Variants in PXDNL observed in about 807,000 individuals in gnomAD.
The protein encoded by PXDNL is probable oxidoreductase PXDNL.
PXDNL carries 145 observed loss-of-function variants against 150.8 expected under a neutral mutation model. That is an observed-to-expected ratio of 0.96 (90% confidence interval 0.84 to 1.10). PXDNL has a LOEUF of 1.10. Among genes scored for constraint, PXDNL ranks in the 50% least tolerant of loss-of-function variants. The pLI is 0.00. For synonymous variants in PXDNL, 757 were observed against 725.7 expected (o/e 1.04, Z -0.69); for missense variants, 2,087 against 1,873.9 (o/e 1.11, Z -2.10).
chr8:51,473,360 G>A (rs996747843), intron 7 of PXDNL, among the ~76,000 whole-genome samples: 1 of 150,090 alleles, frequency 6.7e-6, no homozygotes, highest in South Asian at 2.1e-4. Flanking sequence ...AATAAACGAT[G>A]TTTTGATGGA....
chr8:51,429,534 C>A (rs1056221579), intron 12 of PXDNL, among the ~76,000 whole-genome samples: 16 of 152,032 alleles, frequency 1.1e-4, no homozygotes, highest in Non-Finnish European at 1.8e-4. Context: ...TGAGCCACTG[C>A]ACTCCAGCCT....
chr8:51,779,041 G>A (rs2037384561), intron 1 of PXDNL, among the ~76,000 whole-genome samples: 1 of 152,246 alleles, frequency 6.6e-6, no homozygotes, highest in African/African-American at 2.4e-5. Flanking sequence ...ATAGGATTAT[G>A]AAACACTATA....
chr8:51,738,977 C>T (rs1286216938), intron 1 of PXDNL, among the ~76,000 whole-genome samples: 2 of 151,946 alleles, frequency 1.3e-5, no homozygotes, highest in African/African-American at 4.8e-5. Flanking sequence ...TGAACATAGG[C>T]AGAAGAGTTA....
chr8:51,741,266 G>A (rs192593009), intron 1 of PXDNL, among the ~76,000 whole-genome samples: 55 of 152,222 alleles, frequency 3.6e-4, no homozygotes, highest in African/African-American at 9.9e-4. Flanking sequence ...GTTTATTTGC[G>A]TAGAGGTGTT....
At chr8:51,554,709 G>T (rs1042065384) in intron 4 of PXDNL, among the ~76,000 whole-genome samples, 2 of 152,162 alleles carry the variant, frequency 1.3e-5, no homozygotes, top group Non-Finnish European at 2.9e-5. Flanking sequence ...TGCCACGTTA[G>T]AAAATAATGG....
intron 17 of PXDNL, among the ~76,000 whole-genome samples, chr8:51,400,909 G>A (rs1193502181): frequency 3.3e-5 from 5 of 152,132 alleles, no homozygotes; most frequent in Non-Finnish European, 5.9e-5. Flanking sequence ...AATTTGTCTT[G>A]TCAAAGGTGT....
At chr8:51,494,075 G>A (rs371208835) in intron 5 of PXDNL, among the ~76,000 whole-genome samples, 26 of 144,672 alleles carry the variant, frequency 1.8e-4, no homozygotes, top group African/African-American at 2.6e-4. Flanking sequence ...GACTAACAGC[G>A]GATCTCTCAG....
chr8:51,462,844 A>G (rs1164112043), intron 8 of PXDNL, among the ~76,000 whole-genome samples: 1 of 152,166 alleles, frequency 6.6e-6, no homozygotes, highest in Non-Finnish European at 1.5e-5. Flanking sequence ...ACACACAGTC[A>G]TCAGATTCTG....
At chr8:51,552,171 C>A (rs1211001798) in intron 4 of PXDNL, among the ~76,000 whole-genome samples, 2 of 151,858 alleles carry the variant, frequency 1.3e-5, no homozygotes, top group East Asian at 1.9e-4. Flanking sequence ...AATTAAAAAA[C>A]CAAAAAATAT....
chr8:51,447,284 T>C, intron 11 of PXDNL, 122 bp from the exon 12 acceptor site: 2 of 922,348 alleles, frequency 2.2e-6, no homozygotes. Flanking sequence ...TAGGGTGTAC[T>C]GTGTGCGTTG....
intron 5 of PXDNL, among the ~76,000 whole-genome samples, chr8:51,499,221 C>T (rs533073703): frequency 2.0e-4 from 31 of 152,312 alleles, no homozygotes; most frequent in African/African-American, 7.5e-4. Flanking sequence ...CCTACGCCTC[C>T]CGGACTCAAG....
chr8:51,556,798 T>G, intron 4 of PXDNL, 42 bp downstream of exon 4: 1 of 1,054,072 alleles, frequency 9.5e-7, no homozygotes, highest in East Asian at 2.4e-5. Context: ...CTATTTGAAC[T>G]GTCACCATGA....
chr8:51,628,537 C>A (rs1814416670), intron 2 of PXDNL, among the ~76,000 whole-genome samples: 1 of 148,444 alleles, frequency 6.7e-6, no homozygotes, highest in South Asian at 2.2e-4. Flanking sequence ...TCCTGAGTAT[C>A]TGGGACTATA....
At chr8:51,806,232 A>G (rs2037673980) in intron 1 of PXDNL, among the ~76,000 whole-genome samples, 1 of 152,268 alleles carries the variant, frequency 6.6e-6, no homozygotes, top group African/African-American at 2.4e-5. Flanking sequence ...TAAAATTTTA[A>G]AACATGTAAA....
chr8:51,603,459 C>T (rs896476351), intron 2 of PXDNL, among the ~76,000 whole-genome samples: 1 of 151,954 alleles, frequency 6.6e-6, no homozygotes, highest in African/African-American at 2.4e-5. Context: ...TCTATTGATA[C>T]TTCTTATATC....
rs180687856 is a variant in PXDNL, at chr8:51,320,805, G to A, written c.4239C>T (p.Asp1413=). Residue 1413 remains aspartate (D), a synonymous_variant, in exon 22 of 23, where the codon GAC becomes GAT. Coordinates refer to ENST00000356297, the MANE Select transcript of PXDNL (RefSeq NM_144651.5). ...RKAEERWMKE[D]CTHCICESGQ... is the part of the protein sequence containing the mutation. ...AAACCTCACAAATGCAGTGAGTGCA[G>A]TCTTCTTTCATCCAGCGCTCCTCGG... is the stretch of plus-strand genomic sequence containing the variant. 482 of 1,613,758 alleles carry A rather than the reference G, an allele frequency of 3.0e-4. 2 individuals carry two copies. The African/African-American group carries it at 5.6e-3, about 19-fold the overall frequency.
At chr8:51,715,315 T>C (rs1440426946) in intron 1 of PXDNL, among the ~76,000 whole-genome samples, 1 of 152,114 alleles carries the variant, frequency 6.6e-6, no homozygotes, top group Non-Finnish European at 1.5e-5. Flanking sequence ...ACACCTGATT[T>C]TGAATGGCAA....
chr8:51,381,762 C>G (rs2130812293), intron 17 of PXDNL, among the ~76,000 whole-genome samples: 1 of 151,784 alleles, frequency 6.6e-6, no homozygotes, highest in African/African-American at 2.4e-5. Flanking sequence ...ATGCCATTCT[C>G]CTGTCTCAGC....
chr8:51,430,084 C>G (rs1365577914), intron 12 of PXDNL, among the ~76,000 whole-genome samples: 1 of 152,144 alleles, frequency 6.6e-6, no homozygotes, highest in Non-Finnish European at 1.5e-5. Context: ...TGTCTGATGT[C>G]CTTTATCGCC....
Sources: gnomAD v4.1 joint callset for allele counts (sites outside exome capture counted in the v4.1 genomes callset) on GRCh38, gnomAD v4.1.1 for gene constraint, MANE v1.5 for transcripts, NCBI Gene and HGNC (gene_info 2026-07-23, HGNC 2026-07-21) for gene names.